ADGRL2: variants seen among roughly 807,000 people sequenced by gnomAD.
ADGRL2 encodes the protein calcium-independent alpha-latrotoxin receptor 2.
A neutral mutation model predicts 157.4 loss-of-function variants in ADGRL2; 44 were observed. That is an observed-to-expected ratio of 0.28 (90% CI 0.22 to 0.36). The LOEUF (loss-of-function observed/expected upper bound fraction) is 0.36, where lower values mean the gene tolerates loss of function less well. ADGRL2 is among the 10% of genes least tolerant of loss of function. ADGRL2 has a pLI of 1.00. For synonymous variants in ADGRL2, 585 were observed against 624.7 expected, an observed-to-expected ratio of 0.94 and a Z score of 0.95; for missense variants, 1,510 against 1,768.9, an observed-to-expected ratio of 0.85 and a Z score of 2.63.
At chr1:81,895,495 T>G (rs1337359705) in intron 2 of ADGRL2, among the ~76,000 whole-genome samples, 1 of 145,952 alleles carries the variant, frequency 6.9e-6, no homozygotes, top group Non-Finnish European at 1.5e-5. Context: ...GCCACCTGGG[T>G]TCAAGCGTTT....
chr1:81,427,039 A>C (rs2077229993), intron 1 of ADGRL2: 2 of 1,200,504 alleles, frequency 1.7e-6, no homozygotes, highest in Non-Finnish European at 2.5e-6. Context: ...ATTGTTATTC[A>C]GAAATACCAC....
intron 3 of ADGRL2, among the ~76,000 whole-genome samples, chr1:81,658,237 AG>A (rs1364891169): frequency 1.3e-5 from 2 of 152,126 alleles, no homozygotes; most frequent in East Asian, 3.9e-4. Flanking sequence ...CTGGGATTAT[AG>A]GCACGTGCCA....
At chr1:81,428,336 A>G (rs975820595) in intron 1 of ADGRL2, among the ~76,000 whole-genome samples, 4 of 101,778 alleles carry the variant, frequency 3.9e-5, no homozygotes, top group Non-Finnish European at 8.7e-5. Flanking sequence ...TCTCAAAATT[A>G]AAAAAAAAAA....
At chr1:81,456,921 T>C (rs1482203838) in intron 2 of ADGRL2, among the ~76,000 whole-genome samples, 1 of 152,168 alleles carries the variant, frequency 6.6e-6, no homozygotes, top group African/African-American at 2.4e-5. Flanking sequence ...GCTTCTACTT[T>C]ATTTTCATGA....
intron 3 of ADGRL2, among the ~76,000 whole-genome samples, chr1:81,650,981 G>A (rs898806830): frequency 1.3e-5 from 2 of 152,120 alleles, no homozygotes; most frequent in African/African-American, 2.4e-5. Flanking sequence ...TGCTTCAGTT[G>A]CAAAGAAGGA....
intron 1 of ADGRL2, among the ~76,000 whole-genome samples, chr1:81,759,757 C>T (rs1557626821): frequency 6.6e-6 from 1 of 152,130 alleles, no homozygotes; most frequent in Non-Finnish European, 1.5e-5. Context: ...TAATATTCTA[C>T]ACTTTTCCTC....
At chr1:81,562,674 T>C (rs2080470311) in intron 2 of ADGRL2, among the ~76,000 whole-genome samples, 1 of 152,076 alleles carries the variant, frequency 6.6e-6, no homozygotes, top group Non-Finnish European at 1.5e-5. Context: ...TTTTATAAAC[T>C]GTAAGATTCT....
chr1:81,359,829 A>T (rs926678640), intron 1 of ADGRL2, among the ~76,000 whole-genome samples: 3 of 151,660 alleles, frequency 2.0e-5, no homozygotes, highest in Non-Finnish European at 4.4e-5. Flanking sequence ...TTCTGAAGCC[A>T]AAAAAAACCT....
chr1:81,500,291 C>T (rs554743667), intron 2 of ADGRL2, among the ~76,000 whole-genome samples: 21 of 152,262 alleles, frequency 1.4e-4, no homozygotes, highest in African/African-American at 4.8e-4. Context: ...CTAGCAATTC[C>T]CGTTCTCAGC....
At position 81,592,209 on chromosome 1, in the gene ADGRL2, AG is replaced by A. The variant is rs145398391; in HGVS notation, c.-143+11230del. Among the ~76,000 whole-genome samples, 874 of 152,298 alleles carry A rather than the reference AG, an allele frequency of 5.7e-3. 5 individuals are homozygous for A. Among genetic ancestry groups the A allele is most frequent in the African/African-American group, 0.02 (827 of 41,560 alleles). On this transcript the variant is annotated intron_variant, in intron 3 of 24. Coordinates refer to the ADGRL2 transcript ENST00000370721. ...TTCTACCTATATCTCAACCCAGTTGAGATCATGGGTGAAAATTTTAACCAGA... is the reference window on the plus strand; with the variant it reads ...TTCTACCTATATCTCAACCCAGTTGAATCATGGGTGAAAATTTTAACCAGA...
intron 1 of ADGRL2, among the ~76,000 whole-genome samples, chr1:81,390,283 G>A (rs1411187911): frequency 6.6e-6 from 1 of 152,290 alleles, no homozygotes; most frequent in Non-Finnish European, 1.5e-5. Context: ...TGGTTTTGTT[G>A]AAAAACGTAA....
chr1:81,511,744 T>C (rs1195747361), intron 2 of ADGRL2, among the ~76,000 whole-genome samples: 1 of 152,146 alleles, frequency 6.6e-6, no homozygotes, highest in Non-Finnish European at 1.5e-5. Context: ...TTCATGTGAA[T>C]ATTGGACTTT....
intron 2 of ADGRL2, among the ~76,000 whole-genome samples, chr1:81,893,904 C>T (rs996659167): frequency 1.3e-5 from 2 of 152,082 alleles, no homozygotes; most frequent in African/African-American, 4.8e-5. Context: ...ATTGAACAAA[C>T]CTCAATAGCA....
intron 1 of ADGRL2, among the ~76,000 whole-genome samples, chr1:81,836,395 C>G (rs929514384): frequency 1.3e-5 from 2 of 152,024 alleles, no homozygotes; most frequent in African/African-American, 4.8e-5. Context: ...CATTATAAGG[C>G]TAATGTTTGC....
At chr1:81,685,848 A>G (rs1227236964) in intron 3 of ADGRL2, among the ~76,000 whole-genome samples, 3 of 152,092 alleles carry the variant, frequency 2.0e-5, no homozygotes, top group Non-Finnish European at 2.9e-5. Flanking sequence ...TCATAAAGGG[A>G]TGCTGGATTT....
chr1:81,504,124 T>A (rs1454757742), intron 2 of ADGRL2, among the ~76,000 whole-genome samples: 1 of 152,206 alleles, frequency 6.6e-6, no homozygotes, highest in Non-Finnish European at 1.5e-5. Flanking sequence ...ACAGGGCATC[T>A]GCTGATGGGA....
intron 3 of ADGRL2, among the ~76,000 whole-genome samples, chr1:81,928,152 A>C (rs1201210871): frequency 6.6e-6 from 1 of 152,100 alleles, no homozygotes; most frequent in East Asian, 1.9e-4. Flanking sequence ...TGGACTAAAA[A>C]AGACAGTGGC....
At chr1:81,752,607 C>T (rs772796718) in intron 1 of ADGRL2, among the ~76,000 whole-genome samples, 13 of 152,098 alleles carry the variant, frequency 8.5e-5, no homozygotes, top group Admixed American at 4.6e-4. Flanking sequence ...ACTGCAGCCT[C>T]AACATTCCTG....
At chr1:81,867,040 T>C (rs899956256) in intron 2 of ADGRL2, among the ~76,000 whole-genome samples, 1 of 152,170 alleles carries the variant, frequency 6.6e-6, no homozygotes, top group African/African-American at 2.4e-5. Flanking sequence ...ACAAATAAAC[T>C]GTACAGAGTT....
Sources: gnomAD v4.1 joint callset for allele counts (sites outside exome capture counted in the v4.1 genomes callset) on GRCh38, gnomAD v4.1.1 for gene constraint, MANE v1.5 for transcripts, NCBI Gene and HGNC (gene_info 2026-07-23, HGNC 2026-07-21) for gene names.